The following FIBCD1 variants were observed in gnomAD, a reference collection of about 807,000 sequenced individuals.
FIBCD1 encodes fibrinogen C domain containing 1.
A neutral mutation model predicts 45.1 loss-of-function variants in FIBCD1; 47 were observed. The observed-to-expected ratio is 1.04, with a 90% CI of 0.82 to 1.33. FIBCD1 has a LOEUF of 1.33. FIBCD1 is among the 40% of genes most tolerant of loss of function. The pLI, the probability that FIBCD1 is intolerant of heterozygous loss-of-function variation, is 0.00. For synonymous variants in FIBCD1, 313 were observed against 308.1 expected, an observed-to-expected ratio of 1.02 and a Z score of -0.17; for missense variants, 653 against 682.2, an observed-to-expected ratio of 0.96 and a Z score of 0.48.
At chr9:130,912,575 C>T (rs6597651) in intron 4 of FIBCD1, among the ~76,000 whole-genome samples, 24,585 of 150,970 alleles carry the variant, frequency 0.16, 3,859 homozygotes, top group African/African-American at 0.41. Context: ...GGCTTGGTGG[C>T]ATGCACCTGT....
chr9:130,919,135 G>A (rs1228671131), intron 4 of FIBCD1, among the ~76,000 whole-genome samples: 5 of 152,224 alleles, frequency 3.3e-5, no homozygotes, highest in African/African-American at 9.6e-5. Flanking sequence ...CGGCGGGCGC[G>A]GGGCTGGGCC....
chr9:130,921,572 C>T (rs1013840454), intron 4 of FIBCD1, among the ~76,000 whole-genome samples: 1 of 152,218 alleles, frequency 6.6e-6, no homozygotes. Flanking sequence ...AAGCTGAGTC[C>T]GTCGGAATGA....
intron 1 of FIBCD1, among the ~76,000 whole-genome samples, chr9:130,936,875 T>TA (rs1354515648): frequency 1.3e-5 from 2 of 151,916 alleles, no homozygotes. Flanking sequence ...TACTAGAACT[T>TA]AGAGACATAG....
chr9:130,938,507 A>G, intron 1 of FIBCD1, 29 bp downstream of exon 1: 8 of 1,475,206 alleles, frequency 5.4e-6, no homozygotes, highest in African/African-American at 1.5e-5. Context: ...CCAGCCGCCC[A>G]GGCCCCGTGT....
intron 1 of FIBCD1, among the ~76,000 whole-genome samples, chr9:130,933,416 G>A (rs1832470488): frequency 6.6e-6 from 1 of 152,140 alleles, no homozygotes; most frequent in Admixed American, 6.5e-5. Context: ...CCCAAGACAG[G>A]GCATCTCGGG....
intron 1 of FIBCD1, among the ~76,000 whole-genome samples, chr9:130,930,374 G>A (rs1353423163): frequency 3.3e-5 from 5 of 150,270 alleles, no homozygotes; most frequent in African/African-American, 7.4e-5. Flanking sequence ...ACAGGGAGAC[G>A]CAGGGAGATG....
At chr9:130,923,636 C>T (rs1399544341) in intron 4 of FIBCD1, 108 bp downstream of exon 4, 1 of 1,483,496 alleles carries the variant, frequency 6.7e-7, no homozygotes, top group East Asian at 2.4e-5. Context: ...GTCCACAGAT[C>T]CATGGTGGAG....
At chr9:130,937,118 G>T (rs1832530791) in intron 1 of FIBCD1, among the ~76,000 whole-genome samples, 2 of 152,172 alleles carry the variant, frequency 1.3e-5, no homozygotes, top group African/African-American at 2.4e-5. Flanking sequence ...CAATGGGAAG[G>T]CACAGTATGC....
Position 130,922,839 on chromosome 9 carries a change from C to T in FIBCD1, c.849+905G>A, listed in dbSNP as rs1019755889. 3.3e-5 allele frequency among the ~76,000 whole-genome samples: 5 copies of T among 152,252 alleles called. No homozygotes were observed. The East Asian group carries it at 5.8e-4, about 18-fold the overall frequency. On this transcript the variant is annotated intron_variant, in intron 4 of 6. Transcript: ENST00000372338. This position sits in a 1 kb window ranked among gnomAD's most constrained non-coding sequence, Gnocchi z 4.5. Reference sequence around the variant, plus strand: ...CTCCTCAGATGTTCCCTGGTAGCCGCGTTAGGTTGCCCCCTCCTCCTGGAA... The same window carrying T: ...CTCCTCAGATGTTCCCTGGTAGCCGTGTTAGGTTGCCCCCTCCTCCTGGAA...
chr9:130,904,589 C>A (rs1369511073), intron 6 of FIBCD1, among the ~76,000 whole-genome samples: 1 of 100,462 alleles, frequency 1.0e-5, no homozygotes, highest in African/African-American at 3.1e-5. Context: ...TCTATCCCTC[C>A]CCCCAGCTTT....
chr9:130,911,349 C>G (rs1299289300), intron 5 of FIBCD1, among the ~76,000 whole-genome samples: 2 of 152,212 alleles, frequency 1.3e-5, no homozygotes, highest in African/African-American at 2.4e-5. Flanking sequence ...CCCACCAATT[C>G]TGGACACACT....
Position 130,904,277 on chromosome 9 carries a change from G to A in FIBCD1, c.1173C>T (p.Asp391=), listed in dbSNP as rs771000779. The A allele has an allele frequency of 3.0e-5, 48 of 1,612,912 alleles. No individual in the cohort carries two copies. Among genetic ancestry groups the A allele is most frequent in the Non-Finnish European group, 4.1e-5 (48 of 1,179,522 alleles). Residue 391 remains aspartate (D), a synonymous_variant, in exon 7 of 7, where the codon GAC becomes GAT. Coordinates refer to ENST00000372338, the MANE Select transcript of FIBCD1 (RefSeq NM_032843.5). ...KHSGMRFTTK[D]RDSDHSENNC... Reference sequence around the variant, plus strand: ...TGTTCTCTGAATGGTCGCTGTCACGGTCCTTGGTGGTGAACCTCATGCCGC... The same window carrying A: ...TGTTCTCTGAATGGTCGCTGTCACGATCCTTGGTGGTGAACCTCATGCCGC...
Position 130,912,486 on chromosome 9 carries a change from C to T in FIBCD1, c.850-598G>A, listed in dbSNP as rs578000058. On this transcript the variant is annotated intron_variant, in intron 4 of 6. Coordinates refer to ENST00000372338, the MANE Select transcript of FIBCD1 (RefSeq NM_032843.5). ...CTTTGGGAGGCCGAGGTGGGTGGATCACCTGAGGTCAGGAGTTCGAGACCA... is the reference window on the plus strand; with the variant it reads ...CTTTGGGAGGCCGAGGTGGGTGGATTACCTGAGGTCAGGAGTTCGAGACCA... Among the ~76,000 whole-genome samples, 32 of 151,114 alleles carry T rather than the reference C, an allele frequency of 2.1e-4. No homozygotes were observed. The South Asian group carries it at 4.2e-3, about 20-fold the overall frequency.
chr9:130,915,062 C>T (rs766805700), intron 4 of FIBCD1, among the ~76,000 whole-genome samples: 79 of 152,378 alleles, frequency 5.2e-4, no homozygotes, highest in Non-Finnish European at 9.8e-4. Flanking sequence ...CTACCCTTGC[C>T]ACCAGCGCCT....
rs763637350 is a variant in FIBCD1 at position 130,904,064 on chromosome 9, C to G, written c.1386G>C (p.Ter462TyrextTer24). Residue 462 changes from the stop codon to tyrosine, a stop_lost, in exon 7 of 7, where the codon TAG becomes TAC. Coordinates refer to ENST00000372338, the MANE Select transcript of FIBCD1 (RefSeq NM_032843.5). ...AGGGCCAAGGACAAGGTGCACCAGT[C>G]TAGCGGTCCTCCCGGACCGGCCGGA... ...MKIRPVREDR[*>Y] is the part of the protein sequence containing the mutation. 6.2e-7 allele frequency: 1 copy of G among 1,611,556 alleles called. No homozygotes were observed. Among genetic ancestry groups the G allele is most frequent in the Non-Finnish European group, 8.5e-7 (1 of 1,179,512 alleles).
rs769557055 is a variant in FIBCD1 at position 130,923,759 on chromosome 9, G to A, written c.834C>T (p.Asp278=). 32 of 1,612,290 alleles carry A rather than the reference G, an allele frequency of 2.0e-5. No homozygotes were observed. The highest frequency in any genetic ancestry group is 6.7e-5 in the African/African-American group (5 of 74,904). The change falls in exon 4 of 7, where the codon GAC becomes GAT. Residue 278 remains aspartate, a synonymous_variant. Transcript: ENST00000372338. The part of the protein sequence containing the change: ...GFQVYCDMRT[D]GGGWTVFQRR... ...GGACACTCACCGTCCAGCCGCCGCC[G>A]TCCGTGCGCATGTCACAGTACACCT...
chr9:130,908,871 G>C lies in FIBCD1; in HGVS notation c.946+2921C>G, dbSNP rs111780941. The stretch of plus-strand genomic sequence containing the variant: ...GGGCCCCGGTGAGGAGGGGGCATGG[G>C]TGGCAGATCTTGCCCAGGGGCCTCC... On this transcript the variant is annotated intron_variant, in intron 5 of 6. Coordinates refer to ENST00000372338, the MANE Select transcript of FIBCD1 (RefSeq NM_032843.5). 1.8e-3 allele frequency among the ~76,000 whole-genome samples: 273 copies of C among 152,232 alleles called. 2 individuals are homozygous for C. Among genetic ancestry groups the C allele is most frequent in the African/African-American group, 5.7e-3 (235 of 41,524 alleles).
Position 130,903,931 on chromosome 9 carries a change from G to T in FIBCD1, c.*133C>A. 8.2e-7 allele frequency: 1 copy of T among 1,223,360 alleles called. No individual in the cohort carries two copies. The highest frequency in any genetic ancestry group is 1.2e-6 in the Non-Finnish European group (1 of 849,918). 75.8% of individuals were successfully genotyped at this position (1,223,360 alleles called of 1,614,324 possible). On this transcript the variant is annotated 3_prime_UTR_variant, in exon 7 of 7. Coordinates refer to ENST00000372338, the MANE Select transcript of FIBCD1 (RefSeq NM_032843.5). The stretch of plus-strand genomic sequence containing the variant: ...CCGGCCCAGGGAGCTTCGTGTCAGG[G>T]ATGGCCCGGCCCCTCCCTACTGGAG...
intron 5 of FIBCD1, among the ~76,000 whole-genome samples, chr9:130,908,933 A>G (rs1197265543): frequency 1.3e-5 from 2 of 151,882 alleles, no homozygotes; most frequent in Non-Finnish European, 2.9e-5. Context: ...CACCACCCCA[A>G]CCCTGCCTTT....
Sources: allele counts gnomAD v4.1 joint callset (sites outside exome capture counted in the v4.1 genomes callset), GRCh38; gene constraint gnomAD v4.1.1; non-coding constraint Gnocchi (gnomAD v3.1); transcripts MANE v1.5; gene names NCBI Gene and HGNC (gene_info 2026-07-23, HGNC 2026-07-21).